Variants in CDYL2 observed in about 807,000 individuals in gnomAD.
CDYL2 encodes the protein chromodomain Y like 2.
In CDYL2, 23 loss-of-function variants were observed where a neutral mutation model predicts 49.4. The observed-to-expected ratio is 0.47, with a 90% confidence interval of 0.34 to 0.66. The LOEUF (loss-of-function observed/expected upper bound fraction) is 0.66, where lower values mean the gene tolerates loss of function less well. Among genes scored for constraint, CDYL2 ranks in the 30% least tolerant of loss-of-function variants. The pLI is 0.01. For synonymous variants in CDYL2, 360 were observed against 268.8 expected, an observed-to-expected ratio of 1.34 and a Z score of -3.32; for missense variants, 678 against 656.4, an observed-to-expected ratio of 1.03 and a Z score of -0.36.
chr16:80,750,743 G>T (rs34645828), intron 1 of CDYL2, among the ~76,000 whole-genome samples: 6 of 152,278 alleles, frequency 3.9e-5, no homozygotes, highest in Middle Eastern at 6.8e-3. Context: ...TTTCAGGCTG[G>T]GCGCAGTGGC....
At chr16:80,722,657 C>G (rs1905037349) in intron 1 of CDYL2, among the ~76,000 whole-genome samples, 1 of 152,184 alleles carries the variant, frequency 6.6e-6, no homozygotes, top group South Asian at 2.1e-4. Context: ...GAGGAAGAAA[C>G]TGACAGACAT....
intron 1 of CDYL2, among the ~76,000 whole-genome samples, chr16:80,738,333 G>A (rs137896610): frequency 3.6e-4 from 54 of 152,066 alleles, no homozygotes; most frequent in African/African-American, 1.1e-3. Context: ...ACATACATGC[G>A]CATCTGTCTT....
chr16:80,724,250 TGAG>T (rs1323480296), intron 1 of CDYL2, among the ~76,000 whole-genome samples: 12 of 101,204 alleles, frequency 1.2e-4, no homozygotes, highest in African/African-American at 4.4e-4. Context: ...AGGAAGAAGA[TGAG>T]GAGAAAGAGG....
chr16:80,721,608 T>A (rs1234912790), intron 1 of CDYL2, among the ~76,000 whole-genome samples: 1 of 152,196 alleles, frequency 6.6e-6, no homozygotes, highest in Non-Finnish European at 1.5e-5. Context: ...CAGGTTTATA[T>A]CTAGCACGTG....
intron 2 of CDYL2, among the ~76,000 whole-genome samples, chr16:80,656,391 C>A (rs537198873): frequency 1.3e-5 from 2 of 152,356 alleles, no homozygotes; most frequent in South Asian, 2.1e-4. Flanking sequence ...GACGTCCAGT[C>A]GGGGGCACTG....
In CDYL2 at chr16:80,779,148, G is replaced by A. The variant is rs569516723; in HGVS notation, c.24+25002C>T. ...AGGAGAACAGTGAGATGAGAAAGAA[G>A]CACAAAAATATACATTAATCTGCCA... is the stretch of plus-strand genomic sequence containing the variant. On this transcript the variant is annotated intron_variant, in intron 1 of 6. Coordinates refer to ENST00000570137, the MANE Select transcript of CDYL2 (RefSeq NM_152342.4). Among the ~76,000 whole-genome samples, 4 of 151,970 alleles carry A rather than the reference G, an allele frequency of 2.6e-5. No homozygotes were observed. In the East Asian group the frequency reaches 7.7e-4, roughly 29 times the overall value.
intron 1 of CDYL2, among the ~76,000 whole-genome samples, chr16:80,692,638 A>G (rs947288625): frequency 3.9e-5 from 6 of 152,234 alleles, no homozygotes; most frequent in African/African-American, 1.2e-4. Flanking sequence ...ATTGAAAGCA[A>G]ATATTAAATG....
chr16:80,628,883 T>C (rs943891249), intron 3 of CDYL2, among the ~76,000 whole-genome samples: 1 of 152,070 alleles, frequency 6.6e-6, no homozygotes, highest in South Asian at 2.1e-4. Context: ...ACCCCACAAA[T>C]ACATGTAGAC....
intron 1 of CDYL2, among the ~76,000 whole-genome samples, chr16:80,728,282 G>A (rs901209075): frequency 2.3e-4 from 35 of 152,136 alleles, no homozygotes; most frequent in African/African-American, 6.0e-4. Flanking sequence ...GCCAAAGCTC[G>A]AGAACTACAT....
At chr16:80,798,233 G>C (rs949031080) in intron 1 of CDYL2, among the ~76,000 whole-genome samples, 15 of 152,110 alleles carry the variant, frequency 9.9e-5, no homozygotes, top group African/African-American at 3.4e-4. Context: ...AGTAGAGATG[G>C]GGTTTCTCCA....
intron 2 of CDYL2, among the ~76,000 whole-genome samples, chr16:80,680,004 A>C (rs1334648646): frequency 1.3e-5 from 2 of 152,242 alleles, no homozygotes; most frequent in African/African-American, 4.8e-5. Context: ...GCCATAGGCC[A>C]CTTCCCATTG....
chr16:80,614,430 A>G (rs7499149), intron 4 of CDYL2, among the ~76,000 whole-genome samples: 56,180 of 152,122 alleles, frequency 0.37, 13,003 homozygotes, highest in African/African-American at 0.66. Flanking sequence ...CCGAGCCACA[A>G]GATGGAAGAA....
intron 1 of CDYL2, among the ~76,000 whole-genome samples, chr16:80,688,848 T>C (rs1357189843): frequency 6.6e-6 from 1 of 152,180 alleles, no homozygotes; most frequent in African/African-American, 2.4e-5. Flanking sequence ...TGGGAAATCC[T>C]TTTTAAGCTC....
At chr16:80,669,725 T>G in intron 2 of CDYL2, among the ~76,000 whole-genome samples, 1 of 152,152 alleles carries the variant, frequency 6.6e-6, no homozygotes, top group East Asian at 1.9e-4. Flanking sequence ...AGAGCCTGTG[T>G]TCTCCCTCCC....
At chr16:80,619,782 A>C (rs549645985) in intron 4 of CDYL2, among the ~76,000 whole-genome samples, 7 of 152,292 alleles carry the variant, frequency 4.6e-5, no homozygotes, top group Non-Finnish European at 1.0e-4. Context: ...AGGGGCTCCA[A>C]TGGCTGCTTC....
chr16:80,634,263 T>C (rs904983750), intron 2 of CDYL2, among the ~76,000 whole-genome samples: 6 of 152,178 alleles, frequency 3.9e-5, no homozygotes, highest in Non-Finnish European at 7.3e-5. Context: ...CCATCAGTGA[T>C]AGACTGGATT....
At chr16:80,785,410 A>C (rs939612898) in intron 1 of CDYL2, among the ~76,000 whole-genome samples, 1 of 152,202 alleles carries the variant, frequency 6.6e-6, no homozygotes, top group Non-Finnish European at 1.5e-5. Context: ...CTTACAAGGG[A>C]TGTGAAGGAC....
At chr16:80,671,592 C>T (rs990454352) in intron 2 of CDYL2, among the ~76,000 whole-genome samples, 1 of 152,170 alleles carries the variant, frequency 6.6e-6, no homozygotes, top group Non-Finnish European at 1.5e-5. Flanking sequence ...GAATTCTCCC[C>T]AATCTCAAAA....
chr16:80,716,245 CT>C (rs575586584), intron 1 of CDYL2, among the ~76,000 whole-genome samples: 1 of 152,266 alleles, frequency 6.6e-6, no homozygotes, highest in Non-Finnish European at 1.5e-5. Flanking sequence ...ATGCTATTTC[CT>C]TCCAAGTACT....
Sources: gnomAD v4.1 joint callset for allele counts (sites outside exome capture counted in the v4.1 genomes callset) on GRCh38, gnomAD v4.1.1 for gene constraint, MANE v1.5 for transcripts, NCBI Gene and HGNC (gene_info 2026-07-23, HGNC 2026-07-21) for gene names.